The following ARHGEF10 variants were observed in gnomAD, a reference collection of about 807,000 sequenced individuals.
ARHGEF10 encodes the protein Rho guanine nucleotide exchange factor 10, also known as Rho guanine nucleotide exchange factor (GEF) 10.
Under a neutral mutation model 147.4 loss-of-function variants are expected in ARHGEF10, and 140 were observed. That is an observed-to-expected ratio of 0.95 (90% CI 0.83 to 1.09). The LOEUF (loss-of-function observed/expected upper bound fraction) is 1.09. ARHGEF10 is among the 50% of genes least tolerant of loss of function. ARHGEF10 has a pLI of 0.00. For missense variants in ARHGEF10, 2,222 were observed against 1,752.7 expected, an observed-to-expected ratio of 1.27 and a Z score of -4.78; for synonymous variants, 902 against 695.8, an observed-to-expected ratio of 1.30 and a Z score of -4.67.
At position 1,903,544 on chromosome 8, in the gene ARHGEF10, G is replaced by A. The variant is rs541678319; in HGVS notation, c.1821+93G>A. 14 of 1,515,838 alleles carry A rather than the reference G, an allele frequency of 9.2e-6. No homozygotes were observed. The East Asian group carries it at 1.2e-4, about 13-fold the overall frequency. 93.9% of individuals were successfully genotyped at this position (1,515,838 alleles called of 1,614,324 possible). On this transcript the variant is annotated intron_variant, in intron 16 of 28. Coordinates refer to ENST00000349830, the MANE Select transcript of ARHGEF10 (RefSeq NM_014629.4). ...TCCAGCAATACTAATCTTTTGGATC[G>A]TTTGGAGTAATTCCCTTCGCCCAGA...
rs182989281 is a variant in ARHGEF10 at position 1,908,585 on chromosome 8, A to C, written c.1968-710A>C. On this transcript the variant is annotated intron_variant, in intron 17 of 28. Coordinates refer to ENST00000349830, the MANE Select transcript of ARHGEF10 (RefSeq NM_014629.4). ...TGAAGAAAAGCAAAACGTGATGATC[A>C]CTAAGTGAGAATAATGGTTGATTCT... Among the ~76,000 whole-genome samples the C allele has an allele frequency of 7.9e-5, 12 of 152,278 alleles. No individual in the cohort carries two copies. In the East Asian group the frequency reaches 2.3e-3, roughly 29 times the overall value.
chr8:1,919,454 TTCCATGGGTGATGGAGCTG>T (rs1812041110), intron 18 of ARHGEF10, among the ~76,000 whole-genome samples: 1 of 148,490 alleles, frequency 6.7e-6, no homozygotes, highest in African/African-American at 2.6e-5. Flanking sequence ...GATGGAGCTG[TTCCATGGGTGATGGAGCTG>T]TTCTGTCCAG....
chr8:1,889,918 G>A lies in ARHGEF10; in HGVS notation c.1183-3651G>A, dbSNP rs1281630536. On this transcript the variant is annotated intron_variant, in intron 11 of 28. Transcript: ENST00000349830. Reference sequence around the variant, plus strand: ...TGCATGGGGTGAACTTTGTTAGGAGGCAGTGAGTGGGGCGAGGGTTGTGAG... The same window carrying A: ...TGCATGGGGTGAACTTTGTTAGGAGACAGTGAGTGGGGCGAGGGTTGTGAG... Among the ~76,000 whole-genome samples, 21 of 125,678 alleles carry A rather than the reference G, an allele frequency of 1.7e-4. 1 individual carries two copies. The highest frequency in any genetic ancestry group is 3.0e-4 in the African/African-American group (9 of 30,326). 82.4% of individuals were successfully genotyped at this position (125,678 alleles called of 152,430 possible). A position where few individuals can be genotyped will look rare whatever the true frequency, so the allele number is the denominator to read the frequency against.
intron 3 of ARHGEF10, chr8:1,858,954 T>C (rs1241223664): frequency 1.6e-5 from 3 of 187,510 alleles, no homozygotes; most frequent in East Asian, 3.8e-4. Flanking sequence ...GTACCGTGTT[T>C]CTTTGTGCGT....
At position 1,858,258 on chromosome 8, in the gene ARHGEF10, T is replaced by A. The variant is rs545934959; in HGVS notation, c.193+143T>A. On this transcript the variant is annotated intron_variant, in intron 3 of 28. Transcript: ENST00000349830. ...CAGGTGGGTCCCCAGGTGAGTCCCC[T>A]GGGGGGTTCCCAGGTGAGTCCGCAG... The A allele has an allele frequency of 8.4e-3, 3,983 of 472,940 alleles. 15 individuals carry two copies. Among genetic ancestry groups the A allele is most frequent in the South Asian group, 0.01 (214 of 20,436 alleles). The allele number at this position is 472,940 out of a possible 1,614,324, so 29.3% of individuals were successfully genotyped here.
intron 4 of ARHGEF10, among the ~76,000 whole-genome samples, chr8:1,862,899 C>T (rs1806262821): frequency 6.6e-6 from 1 of 151,624 alleles, no homozygotes. Flanking sequence ...CTGCCTCAGC[C>T]TCCCAAGTAG....
chr8:1,917,042 A>G (rs1438378715), intron 18 of ARHGEF10, among the ~76,000 whole-genome samples: 1 of 152,248 alleles, frequency 6.6e-6, no homozygotes, highest in Non-Finnish European at 1.5e-5. Context: ...GTTCCTCATG[A>G]TTGAAACTGA....
At chr8:1,950,090 A>G (rs903639470) in intron 27 of ARHGEF10, among the ~76,000 whole-genome samples, 7 of 152,162 alleles carry the variant, frequency 4.6e-5, no homozygotes, top group African/African-American at 1.7e-4. Flanking sequence ...AAGTGCAGTC[A>G]GTCCCACTTC....
chr8:1,889,773 A>G (rs1445775218), intron 11 of ARHGEF10, among the ~76,000 whole-genome samples: 2 of 133,888 alleles, frequency 1.5e-5, no homozygotes, highest in South Asian at 2.6e-4. Context: ...GTGAGGAGAC[A>G]CTGAGTGGGG....
chr8:1,930,790 C>T (rs1200148344), intron 25 of ARHGEF10, among the ~76,000 whole-genome samples: 1 of 152,210 alleles, frequency 6.6e-6, no homozygotes, highest in African/African-American at 2.4e-5. Flanking sequence ...CTGGCCTGTG[C>T]GCACCTGCGC....
intron 8 of ARHGEF10, among the ~76,000 whole-genome samples, chr8:1,878,771 C>T (rs1807922133): frequency 6.6e-6 from 1 of 152,182 alleles, no homozygotes. Flanking sequence ...GCCCGTATCC[C>T]AGAGGAGCCC....
chr8:1,866,404 C>CAT lies in ARHGEF10; in HGVS notation c.546-109_546-108dup, dbSNP rs376913717. On this transcript the variant is annotated intron_variant, in intron 5 of 28. Coordinates refer to ENST00000349830, the MANE Select transcript of ARHGEF10 (RefSeq NM_014629.4). Reference sequence around the variant, plus strand: ...AAATATGTGATTTCCTGTATAGTAACATATATATATATATTCTGACACACA... The same window carrying CAT: ...AAATATGTGATTTCCTGTATAGTAACATATATATATATATATTCTGACACACA... 4.0e-3 allele frequency: 2,799 copies of CAT among 701,828 alleles called. 32 individuals are homozygous for CAT. The highest frequency in any genetic ancestry group is 0.036 in the African/African-American group (1,793 of 50,134). 43.5% of individuals were successfully genotyped at this position (701,828 alleles called of 1,614,324 possible). A position where few individuals can be genotyped will look rare whatever the true frequency, so the allele number is the denominator to read the frequency against.
intron 7 of ARHGEF10, among the ~76,000 whole-genome samples, chr8:1,874,277 C>T (rs67957512): frequency 6.6e-6 from 1 of 152,120 alleles, no homozygotes; most frequent in Admixed American, 6.5e-5. Context: ...ATCTGAATAG[C>T]CTGAGTTCTA....
intron 11 of ARHGEF10, among the ~76,000 whole-genome samples, chr8:1,888,570 G>A (rs1404513623): frequency 1.4e-5 from 2 of 139,622 alleles, no homozygotes; most frequent in Non-Finnish European, 3.0e-5. Context: ...GGGAGACACT[G>A]AGTGGGGTGT....
intron 2 of ARHGEF10, among the ~76,000 whole-genome samples, chr8:1,845,221 G>C (rs547680332): frequency 5.3e-4 from 81 of 152,366 alleles, no homozygotes; most frequent in Non-Finnish European, 6.8e-4. Flanking sequence ...TGCCCCAGCA[G>C]AGCAGGGCAG....
intron 26 of ARHGEF10, among the ~76,000 whole-genome samples, chr8:1,935,222 C>T (rs1260494883): frequency 1.3e-5 from 2 of 151,978 alleles, no homozygotes; most frequent in African/African-American, 4.8e-5. Flanking sequence ...CCCCCCACAA[C>T]CCCCCATCAG....
chr8:1,951,270 C>T (rs996272519), intron 27 of ARHGEF10, among the ~76,000 whole-genome samples: 4 of 152,224 alleles, frequency 2.6e-5, no homozygotes, highest in South Asian at 2.1e-4. Context: ...CTGGGAATCG[C>T]GTACCCTGCG....
At position 1,957,141 on chromosome 8, in the gene ARHGEF10, T is replaced by C. The variant is rs754212667; in HGVS notation, c.3913T>C (p.Ser1305Pro). The C allele has an allele frequency of 1.2e-6, 2 of 1,612,756 alleles. No individual in the cohort carries two copies. Among genetic ancestry groups the C allele is most frequent in the Admixed American group, 3.3e-5 (2 of 60,020 alleles). Residue 1305 changes from serine (S) to proline (P), a missense_variant, in exon 29 of 29, where the codon TCG becomes CCG. Coordinates refer to ENST00000349830, the MANE Select transcript of ARHGEF10 (RefSeq NM_014629.4). ...ARRAKKAKASSALVVCGGQGH... is the reference protein window; with the variant it reads ...ARRAKKAKASPALVVCGGQGH... ...CCGGGCCAAGAAAGCCAAGGCCAGC[T>C]CGGCGCTGGTGGTCTGTGGAGGGCA...
chr8:1,897,314 A>G (rs1173043011), intron 14 of ARHGEF10, among the ~76,000 whole-genome samples: 1 of 152,188 alleles, frequency 6.6e-6, no homozygotes, highest in African/African-American at 2.4e-5. Flanking sequence ...TCTGTGGCCC[A>G]TGGAGGTTTG....
Sources: allele counts gnomAD v4.1 joint callset (sites outside exome capture counted in the v4.1 genomes callset), GRCh38; gene constraint gnomAD v4.1.1; transcripts MANE v1.5; gene names NCBI Gene and HGNC (gene_info 2026-07-23, HGNC 2026-07-21).